The following DGKB variants were observed in gnomAD, a reference collection of about 807,000 sequenced individuals.
The protein encoded by DGKB is 90 kDa diacylglycerol kinase.
DGKB carries 67 observed loss-of-function variants against 114.3 expected under a neutral mutation model. The ratio of observed to expected loss-of-function variants is 0.59; its 90% CI spans 0.48 to 0.72. The LOEUF (loss-of-function observed/expected upper bound fraction) is 0.72. DGKB is among the 30% of genes least tolerant of loss of function. The pLI, the probability that DGKB is intolerant of heterozygous loss-of-function variation, is 0.00. For missense variants in DGKB, 907 were observed against 975.2 expected (o/e 0.93, Z 0.93); for synonymous variants, 398 against 323.1 (o/e 1.23, Z -2.49).
At chr7:14,765,988 A>G (rs1275364528) in intron 2 of DGKB, among the ~76,000 whole-genome samples, 1 of 151,966 alleles carries the variant, frequency 6.6e-6, no homozygotes, top group East Asian at 1.9e-4. Context: ...GAGTTGGGAA[A>G]GAATGCTAAC....
At chr7:14,857,427 T>C (rs1850343012) in intron 1 of DGKB, among the ~76,000 whole-genome samples, 1 of 152,142 alleles carries the variant, frequency 6.6e-6, no homozygotes, top group African/African-American at 2.4e-5. Flanking sequence ...GATTTCAACC[T>C]TGTGAGACGT....
At chr7:14,697,764 G>GAAAGAAAGAAAGAAAGAAAC (rs1563943294) in intron 8 of DGKB, among the ~76,000 whole-genome samples, 1 of 134,800 alleles carries the variant, frequency 7.4e-6, no homozygotes, top group African/African-American at 2.8e-5. Flanking sequence ...AAGAAAGAAA[G>GAAAGAAAGAAAGAAAGAAAC]AAAGAAACAA....
At chr7:14,242,291 C>T (rs929947362) in intron 23 of DGKB, among the ~76,000 whole-genome samples, 3 of 152,030 alleles carry the variant, frequency 2.0e-5, no homozygotes, top group Non-Finnish European at 2.9e-5. Context: ...TCAGCCAAAC[C>T]GAAAGGCCCT....
chr7:14,236,485 A>G (rs187533532), intron 23 of DGKB, among the ~76,000 whole-genome samples: 2 of 151,970 alleles, frequency 1.3e-5, no homozygotes, highest in African/African-American at 4.8e-5. Flanking sequence ...TTGAAACAAC[A>G]TATACATTGA....
intron 1 of DGKB, among the ~76,000 whole-genome samples, chr7:14,957,304 A>T (rs1337556681): frequency 4.6e-5 from 7 of 151,982 alleles, no homozygotes; most frequent in Admixed American, 3.3e-4. Flanking sequence ...AAGACTTAGA[A>T]TGCTGCTTTG....
intron 21 of DGKB, among the ~76,000 whole-genome samples, chr7:14,474,917 G>C (rs2128897274): frequency 6.6e-6 from 1 of 151,882 alleles, no homozygotes; most frequent in South Asian, 2.1e-4. Flanking sequence ...AAGTTAAACA[G>C]CATGCTTTCT....
intron 21 of DGKB, among the ~76,000 whole-genome samples, chr7:14,473,578 G>A (rs1304721634): frequency 2.0e-5 from 3 of 152,126 alleles, no homozygotes; most frequent in Non-Finnish European, 2.9e-5. Context: ...CCATCCTCCA[G>A]ACCCCAGAAT....
intron 23 of DGKB, among the ~76,000 whole-genome samples, chr7:14,225,232 T>G (rs1223679396): frequency 6.6e-6 from 1 of 152,088 alleles, no homozygotes; most frequent in Non-Finnish European, 1.5e-5. Flanking sequence ...GCAAAACCTC[T>G]GACAGCCTTC....
At chr7:14,629,579 A>G (rs1353509693) in intron 14 of DGKB, among the ~76,000 whole-genome samples, 1 of 152,112 alleles carries the variant, frequency 6.6e-6, no homozygotes, top group East Asian at 1.9e-4. Context: ...CATTTCCTAT[A>G]GAGATAATAA....
At chr7:14,930,455 T>C (rs1474299554) in intron 1 of DGKB, among the ~76,000 whole-genome samples, 1 of 152,192 alleles carries the variant, frequency 6.6e-6, no homozygotes, top group Non-Finnish European at 1.5e-5. Context: ...TCCTAAGTAT[T>C]TAGTTTTTTA....
At chr7:14,440,033 T>C (rs1479944065) in intron 21 of DGKB, among the ~76,000 whole-genome samples, 1 of 151,968 alleles carries the variant, frequency 6.6e-6, no homozygotes, top group Non-Finnish European at 1.5e-5. Flanking sequence ...AGAAACTGTT[T>C]TCAAAAAAGG....
intron 22 of DGKB, among the ~76,000 whole-genome samples, chr7:14,340,279 A>G (rs983676072): frequency 1.4e-5 from 2 of 147,890 alleles, no homozygotes; most frequent in African/African-American, 5.0e-5. Flanking sequence ...ACTTACCGCT[A>G]TATATTCTAG....
chr7:14,801,722 C>G (rs1483335397), intron 2 of DGKB, among the ~76,000 whole-genome samples: 1 of 151,982 alleles, frequency 6.6e-6, no homozygotes, highest in African/African-American at 2.4e-5. Flanking sequence ...CACCATCTTT[C>G]CTGGATCGCC....
intron 6 of DGKB, among the ~76,000 whole-genome samples, chr7:14,713,969 T>C (rs1267221685): frequency 6.6e-6 from 1 of 152,004 alleles, no homozygotes; most frequent in Non-Finnish European, 1.5e-5. Flanking sequence ...ATATCTTAAA[T>C]AGTTGATGTT....
chr7:14,488,119 T>C (rs1398752897), intron 20 of DGKB, among the ~76,000 whole-genome samples: 2 of 152,078 alleles, frequency 1.3e-5, no homozygotes, highest in African/African-American at 4.8e-5. Context: ...GTTTTAATAA[T>C]CTTACTGAGA....
intron 19 of DGKB, 72 bp downstream of exon 19, chr7:14,580,790 C>T: frequency 1.9e-6 from 2 of 1,071,098 alleles, no homozygotes; most frequent in East Asian, 4.9e-5. Flanking sequence ...TGTTTCTTTT[C>T]TTTTCTTTTT....
chr7:14,304,087 A>ACACACACACACACTCTCTCTCTCT (rs140836395), intron 23 of DGKB, among the ~76,000 whole-genome samples: 1 of 110,072 alleles, frequency 9.1e-6, no homozygotes, highest in East Asian at 2.8e-4. Context: ...ACACACACAC[A>ACACACACACACACTCTCTCTCTCT]CTCTCTCTCT....
intron 16 of DGKB, among the ~76,000 whole-genome samples, 151 bp from the exon 17 acceptor site, chr7:14,607,659 T>C (rs921516194): frequency 4.6e-5 from 7 of 151,858 alleles, no homozygotes; most frequent in African/African-American, 1.7e-4. Context: ...TTTGAATCAA[T>C]ATCAGAAGTC....
At chr7:14,450,845 G>T (rs974664332) in intron 21 of DGKB, among the ~76,000 whole-genome samples, 1 of 152,006 alleles carries the variant, frequency 6.6e-6, no homozygotes, top group African/African-American at 2.4e-5. Flanking sequence ...CAAGACTCTT[G>T]AACAATGTGG....
Sources: allele counts gnomAD v4.1 joint callset (sites outside exome capture counted in the v4.1 genomes callset), GRCh38; gene constraint gnomAD v4.1.1; transcripts MANE v1.5; gene names NCBI Gene and HGNC (gene_info 2026-07-23, HGNC 2026-07-21).